PABIR2: variants seen among roughly 807,000 people sequenced by gnomAD.
The protein encoded by PABIR2 is family with sequence similarity 122B.
PABIR2 carries 7 observed loss-of-function variants against 22.8 expected under a neutral mutation model. The ratio of observed to expected loss-of-function variants is 0.31; its 90% CI spans 0.17 to 0.58. The LOEUF (loss-of-function observed/expected upper bound fraction) is 0.58. Among genes scored for constraint, PABIR2 ranks in the 20% least tolerant of loss-of-function variants. The probability of loss-of-function intolerance (pLI) is 0.89; values close to 1 mark genes in which losing one functional copy is unlikely to be tolerated. For missense variants in PABIR2, 155 were observed against 205.1 expected (o/e 0.76, Z 1.49); for synonymous variants, 67 against 73.8 (o/e 0.91, Z 0.47).
intron 6 of PABIR2, among the ~76,000 whole-genome samples, 192 bp downstream of exon 6, chrX:134,788,538 T>TTA (rs1184161165): frequency 4.6e-4 from 48 of 104,112 alleles, no homozygotes; most frequent in South Asian, 2.3e-3. Context: ...AATATATATG[T>TTA]TATATATATA....
intron 6 of PABIR2, among the ~76,000 whole-genome samples, chrX:134,788,028 TATATATATGTA>T (rs1249780873): frequency 3.7e-5 from 4 of 107,786 alleles, no homozygotes; most frequent in East Asian, 2.8e-4. Context: ...AAATTACATA[TATATATATGTA>T]ATATATATGT....
intron 6 of PABIR2, 142 bp downstream of exon 6, chrX:134,788,588 A>G: frequency 1.1e-5 from 3 of 272,187 alleles, no homozygotes; most frequent in African/African-American, 8.8e-5. Flanking sequence ...ATATATATGT[A>G]TATTTTCCAA....
At position 134,796,214 on chromosome X, in the gene PABIR2, T is replaced by C; in HGVS notation, c.-9A>G. On this transcript the variant is annotated 5_prime_UTR_variant, in exon 1 of 10. Coordinates refer to ENST00000343004, the MANE Select transcript of PABIR2 (RefSeq NM_001387468.1). The stretch of plus-strand genomic sequence containing the variant: ...ATTTTCTCCTGAGCCATGTCAGACT[T>C]GCAGGCAGGCACAGCGGGCAGTGCT... The C allele has an allele frequency of 1.7e-6, 2 of 1,199,046 alleles. No homozygotes were observed. The highest frequency in any genetic ancestry group is 2.3e-6 in the Non-Finnish European group (2 of 885,925).
chrX:134,789,846 C>T (rs924727891), intron 2 of PABIR2, among the ~76,000 whole-genome samples: 2 of 111,976 alleles, frequency 1.8e-5, no homozygotes, highest in Non-Finnish European at 3.8e-5. Flanking sequence ...CCATCTGTTG[C>T]TAGACAGACA....
At chrX:134,788,033 A>G (rs1023382465) in intron 6 of PABIR2, among the ~76,000 whole-genome samples, 4 of 107,516 alleles carry the variant, frequency 3.7e-5, no homozygotes, top group Non-Finnish European at 7.6e-5. Context: ...ACATATATAT[A>G]TATGTAATAT....
Position 134,793,293 on chromosome X carries a change from C to T in PABIR2, c.177+522G>A, listed in dbSNP as rs368607897. On this transcript the variant is annotated intron_variant, in intron 2 of 9. Transcript: ENST00000343004. ...TGTGAACTGCTACTATATAAAAAAC[C>T]TCATCATAATTTCTCCCAATGCGAC... is the stretch of plus-strand genomic sequence containing the variant. 4.8e-4 allele frequency among the ~76,000 whole-genome samples: 54 copies of T among 111,991 alleles called. 6 individuals are homozygous for T. The highest frequency in any genetic ancestry group is 3.1e-3 in the East Asian group (11 of 3,593).
chrX:134,772,500 C>T (rs1252899179), intron 9 of PABIR2, among the ~76,000 whole-genome samples: 1 of 111,570 alleles, frequency 9.0e-6, no homozygotes, highest in Non-Finnish European at 1.9e-5. Context: ...GATTGTCCCC[C>T]CTAGAGGCAC....
At chrX:134,776,173 T>C (rs544755067) in intron 9 of PABIR2, among the ~76,000 whole-genome samples, 1 of 107,978 alleles carries the variant, frequency 9.3e-6, no homozygotes, top group African/African-American at 3.7e-5. Context: ...TTAAAACTTA[T>C]GTTTTGTACT....
chrX:134,787,369 G>A, intron 7 of PABIR2, 103 bp downstream of exon 7: 2 of 798,707 alleles, frequency 2.5e-6, no homozygotes, highest in African/African-American at 2.0e-5. Context: ...CAAAGTGCTA[G>A]GATTACAGGT....
chrX:134,789,184 C>T (rs1002818581), intron 4 of PABIR2, 39 bp downstream of exon 4: 31 of 1,210,634 alleles, frequency 2.6e-5, no homozygotes, highest in Non-Finnish European at 3.5e-5. Context: ...ACAAACAAGA[C>T]ACTTATTAGG....
chrX:134,786,966 A>G (rs899251122), intron 7 of PABIR2, among the ~76,000 whole-genome samples: 2 of 111,532 alleles, frequency 1.8e-5, no homozygotes, highest in Non-Finnish European at 3.8e-5. Context: ...AAAAAAAAAG[A>G]AAAGAAAAAA....
intron 9 of PABIR2, among the ~76,000 whole-genome samples, chrX:134,777,389 G>C (rs2079007504): frequency 1.8e-5 from 2 of 110,943 alleles, no homozygotes; most frequent in Non-Finnish European, 3.8e-5. Context: ...AGCTGGGCGT[G>C]ATGGTGCACA....
chrX:134,786,663 T>TA (rs1461776661), intron 7 of PABIR2, among the ~76,000 whole-genome samples: 2 of 111,253 alleles, frequency 1.8e-5, no homozygotes, highest in African/African-American at 3.3e-5. Flanking sequence ...AAATTCCCCC[T>TA]AAAAAACTCT....
chrX:134,788,538 T>C (rs1233376449), intron 6 of PABIR2, among the ~76,000 whole-genome samples, 192 bp downstream of exon 6: 1 of 104,137 alleles, frequency 9.6e-6, no homozygotes, highest in East Asian at 2.9e-4. Flanking sequence ...AATATATATG[T>C]TATATATATA....
At chrX:134,791,773 C>T (rs1007413625) in intron 2 of PABIR2, 8 of 275,826 alleles carry the variant, frequency 2.9e-5, no homozygotes, top group Admixed American at 1.8e-4. Context: ...ACACTGGAAG[C>T]GGACAGAATC....
intron 8 of PABIR2, among the ~76,000 whole-genome samples, chrX:134,783,414 C>T (rs2079208452): frequency 8.9e-6 from 1 of 112,155 alleles, no homozygotes; most frequent in African/African-American, 3.2e-5. Flanking sequence ...ACAAAGAAAC[C>T]ACTTGCTGAA....
chrX:134,790,149 C>T (rs1437695982), intron 2 of PABIR2, among the ~76,000 whole-genome samples: 1 of 112,294 alleles, frequency 8.9e-6, no homozygotes, highest in Non-Finnish European at 1.9e-5. Context: ...ATTCTAAAAT[C>T]TCATCATATG....
Position 134,771,862 on chromosome X carries a change from C to A in PABIR2, c.*277G>T. 1 of 891,794 alleles carries A rather than the reference C, an allele frequency of 1.1e-6. No individual in the cohort carries two copies. The highest frequency in any genetic ancestry group is 2.1e-5 in the African/African-American group (1 of 48,161). 73.5% of individuals were successfully genotyped at this position (891,794 alleles called of 1,213,427 possible). A position where few individuals can be genotyped will look rare whatever the true frequency, so the allele number is the denominator to read the frequency against. The stretch of plus-strand genomic sequence containing the variant: ...GACTCAAAATAGGTGTTTTTTGAGG[C>A]ACTAAGAAAAAAGATTCCTCTAAGC... On this transcript the variant is annotated 3_prime_UTR_variant, in exon 10 of 10. Transcript: ENST00000343004.
intron 2 of PABIR2, chrX:134,791,759 G>A (rs1180666712): frequency 3.3e-6 from 1 of 301,734 alleles, no homozygotes; most frequent in African/African-American, 2.7e-5. Context: ...AGTAAAAAGT[G>A]GTTACACTGG....
Sources: gnomAD v4.1 joint callset for allele counts (sites outside exome capture counted in the v4.1 genomes callset) on GRCh38, gnomAD v4.1.1 for gene constraint, MANE v1.5 for transcripts, NCBI Gene and HGNC (gene_info 2026-07-23, HGNC 2026-07-21) for gene names.